Variants in TEX2 observed in about 807,000 individuals in gnomAD.
The protein encoded by TEX2 is testis-expressed protein 2.
TEX2 carries 53 observed loss-of-function variants against 106.9 expected under a neutral mutation model. The ratio of observed to expected loss-of-function variants is 0.50; its 90% confidence interval spans 0.40 to 0.62. The LOEUF (loss-of-function observed/expected upper bound fraction) is 0.62, where lower values mean the gene tolerates loss of function less well. Among genes scored for constraint, TEX2 ranks in the 20% least tolerant of loss-of-function variants. TEX2 has a pLI of 0.00. For missense variants in TEX2, 1,207 were observed against 1,379.0 expected, an observed-to-expected ratio of 0.88 and a Z score of 1.98; for synonymous variants, 523 against 534.8, an observed-to-expected ratio of 0.98 and a Z score of 0.30.
chr17:64,263,223 G>A lies in TEX2; in HGVS notation c.-81C>T, dbSNP rs2143558429. 1 of 151,066 alleles carries A rather than the reference G, an allele frequency of 6.6e-6. No individual in the cohort carries two copies. The highest frequency in any genetic ancestry group is 2.0e-4 in the South Asian group (1 of 5,002). The allele number at this position is 151,066 out of a possible 1,614,324, so 9.4% of individuals were successfully genotyped here. A position where few individuals can be genotyped will look rare whatever the true frequency, so the allele number is the denominator to read the frequency against. ...TGCCGGCGCCCGTGCTCCCGGCCGCGCGACTCCGGCTTCGGCTGGGGCACC... is the reference window on the plus strand; with the variant it reads ...TGCCGGCGCCCGTGCTCCCGGCCGCACGACTCCGGCTTCGGCTGGGGCACC... On this transcript the variant is annotated 5_prime_UTR_variant, in exon 1 of 12. Coordinates refer to ENST00000584379, the MANE Select transcript of TEX2 (RefSeq NM_001288732.2).
intron 1 of TEX2, among the ~76,000 whole-genome samples, chr17:64,262,620 C>T (rs2034311158): frequency 6.6e-6 from 1 of 152,212 alleles, no homozygotes; most frequent in Non-Finnish European, 1.5e-5. Context: ...ACCTTCCGAT[C>T]CCCCGGATTT....
At chr17:64,238,067 C>T (rs1054202867) in intron 1 of TEX2, among the ~76,000 whole-genome samples, 10 of 152,086 alleles carry the variant, frequency 6.6e-5, no homozygotes, top group African/African-American at 2.4e-4. Context: ...TTTGGGAGGC[C>T]GAGGTGGGAG....
At chr17:64,236,467 G>A (rs1555635148) in intron 1 of TEX2, among the ~76,000 whole-genome samples, 1 of 152,194 alleles carries the variant, frequency 6.6e-6, no homozygotes, top group African/African-American at 2.4e-5. Flanking sequence ...TGGAGGCTGA[G>A]TGGGGAGGAT....
At chr17:64,181,704 C>A (rs992817778) in intron 5 of TEX2, among the ~76,000 whole-genome samples, 1 of 151,714 alleles carries the variant, frequency 6.6e-6, no homozygotes. Context: ...TTAGTACAGA[C>A]GGGGCTTCTC....
chr17:64,179,145 G>A (rs2166291), intron 5 of TEX2, among the ~76,000 whole-genome samples: 108,322 of 152,076 alleles, frequency 0.71, 38,684 homozygotes, highest in East Asian at 0.83. Context: ...CTTACAAGAG[G>A]ATTGTAAAAT....
At chr17:64,250,937 C>A (rs1000370768) in intron 1 of TEX2, among the ~76,000 whole-genome samples, 1 of 152,210 alleles carries the variant, frequency 6.6e-6, no homozygotes, top group African/African-American at 2.4e-5. Flanking sequence ...AGGGATCCAC[C>A]TGCCTCAGCC....
At chr17:64,210,308 A>G (rs2032957507) in intron 2 of TEX2, among the ~76,000 whole-genome samples, 1 of 152,224 alleles carries the variant, frequency 6.6e-6, no homozygotes, top group Non-Finnish European at 1.5e-5. Flanking sequence ...GTGTCATAAC[A>G]TATTGCCATG....
chr17:64,152,902 A>C (rs1454057676), intron 10 of TEX2, 43 bp downstream of exon 10: 1 of 1,586,214 alleles, frequency 6.3e-7, no homozygotes, highest in Non-Finnish European at 8.6e-7. Flanking sequence ...GTGGCCATGC[A>C]ATAGGAGGAA....
intron 1 of TEX2, among the ~76,000 whole-genome samples, chr17:64,236,524 A>G (rs1393595353): frequency 2.0e-5 from 3 of 152,212 alleles, no homozygotes; most frequent in African/African-American, 7.2e-5. Flanking sequence ...GCGACAGAGT[A>G]AGACCCTGTC....
intron 7 of TEX2, among the ~76,000 whole-genome samples, chr17:64,164,434 A>T (rs1422181445): frequency 7.1e-6 from 1 of 140,920 alleles, no homozygotes; most frequent in African/African-American, 2.6e-5. Flanking sequence ...GAAGAAGAAG[A>T]AAAAAAAAAA....
chr17:64,176,760 CA>C (rs1567919067), intron 6 of TEX2, among the ~76,000 whole-genome samples: 1 of 152,174 alleles, frequency 6.6e-6, no homozygotes, highest in African/African-American at 2.4e-5. Flanking sequence ...AACACAGACA[CA>C]TTTAAAGTGC....
chr17:64,231,581 T>A lies in TEX2; in HGVS notation c.-25-17339A>T, dbSNP rs545898850. Among the ~76,000 whole-genome samples the A allele has an allele frequency of 9.2e-5, 14 of 152,344 alleles. No individual in the cohort carries two copies. In the South Asian group the frequency reaches 2.9e-3, roughly 32 times the overall value. ...ATCTTGTTTCAGTATTAAGCTTCTG[T>A]CACTTTAATGCATATTAATAGATGT... On this transcript the variant is annotated intron_variant, in intron 1 of 11. Coordinates refer to ENST00000584379, the MANE Select transcript of TEX2 (RefSeq NM_001288732.2).
At chr17:64,207,359 G>A (rs4968612) in intron 2 of TEX2, among the ~76,000 whole-genome samples, 83,732 of 151,910 alleles carry the variant, frequency 0.55, 24,546 homozygotes, top group East Asian at 0.83. Context: ...TAAAGTATGC[G>A]GGATCTCGGT....
chr17:64,239,394 A>G (rs1555635493), intron 1 of TEX2: 1 of 152,254 alleles, frequency 6.6e-6, no homozygotes, highest in Admixed American at 6.5e-5. Context: ...CATACCCCAA[A>G]GAGCTTTGTA....
intron 6 of TEX2, 42 bp downstream of exon 6, chr17:64,177,283 G>T: frequency 6.2e-7 from 1 of 1,602,752 alleles, no homozygotes; most frequent in Non-Finnish European, 8.5e-7. Context: ...CAGAAATGAA[G>T]AAGTATAGAG....
At position 64,153,528 on chromosome 17, in the gene TEX2, C is replaced by T. The variant is rs553421210; in HGVS notation, c.2931-374G>A. ...AAAGTCCTCATGCAGAGGTTTCTCA[C>T]CTGTCCTCCTTTATACTACTCCAAT... On this transcript the variant is annotated intron_variant, in intron 9 of 11. Transcript: ENST00000584379. The surrounding 1 kb of genome is among the most constrained non-coding windows in gnomAD (Gnocchi z 4.1). 6.6e-6 allele frequency among the ~76,000 whole-genome samples: 1 copy of T among 152,324 alleles called. No individual in the cohort carries two copies. Among genetic ancestry groups the T allele is most frequent in the East Asian group, 1.9e-4 (1 of 5,182 alleles).
chr17:64,213,405 G>A lies in TEX2; in HGVS notation c.813C>T (p.Pro271=), dbSNP rs1386552216. The A allele has an allele frequency of 4.3e-6, 7 of 1,613,948 alleles. No individual in the cohort carries two copies. Among genetic ancestry groups the A allele is most frequent in the Non-Finnish European group, 5.9e-6 (7 of 1,180,054 alleles). ...CTTTAAAAAAGGAACGAGTATCAGA[G>A]GGAGAAGTCAGTGGGGAAGAAGGTG... ...KTAPSSPLTS[P]SDTRSFFKVP... The change falls in exon 2 of 12, where the codon CCC becomes CCT. Residue 271 remains proline, a synonymous_variant. Transcript: ENST00000584379. The surrounding 1 kb of genome is among the most constrained non-coding windows in gnomAD (Gnocchi z 4.4).
chr17:64,238,137 T>C (rs1426961459), intron 1 of TEX2, among the ~76,000 whole-genome samples: 1 of 152,014 alleles, frequency 6.6e-6, no homozygotes, highest in Non-Finnish European at 1.5e-5. Flanking sequence ...CCGTCTCTAC[T>C]AAAAACACAA....
At chr17:64,154,122 G>A (rs2030496433) in intron 9 of TEX2, among the ~76,000 whole-genome samples, 1 of 151,780 alleles carries the variant, frequency 6.6e-6, no homozygotes, top group Admixed American at 6.5e-5. Flanking sequence ...TTCTTAAGAG[G>A]GTCAAGCAGC....
Sources: gnomAD v4.1 joint callset for allele counts (sites outside exome capture counted in the v4.1 genomes callset) on GRCh38, gnomAD v4.1.1 for gene constraint, Gnocchi (gnomAD v3.1) non-coding constraint, MANE v1.5 for transcripts, NCBI Gene and HGNC (gene_info 2026-07-23, HGNC 2026-07-21) for gene names.